The following OFD1 variants were observed in gnomAD, a reference collection of about 807,000 sequenced individuals.
The protein encoded by OFD1 is OFD1 centriole and centriolar satellite protein, also known as centriole and centriolar satellite protein OFD1.
Under a neutral mutation model 81.4 loss-of-function variants are expected in OFD1, and 12 were observed. That is an observed-to-expected ratio of 0.15 (90% CI 0.09 to 0.24). The LOEUF is 0.24. Among genes scored for constraint, OFD1 ranks in the 10% least tolerant of loss-of-function variants. The pLI, the probability that OFD1 is intolerant of heterozygous loss-of-function variation, is 1.00. For synonymous variants in OFD1, 256 were observed against 263.7 expected (o/e 0.97, Z 0.28); for missense variants, 685 against 733.9 (o/e 0.93, Z 0.77).
chrX:13,737,706 C>T (rs959128283), intron 3 of OFD1, among the ~76,000 whole-genome samples: 1 of 111,416 alleles, frequency 9.0e-6, no homozygotes, highest in African/African-American at 3.3e-5. Flanking sequence ...TTTTTACTTT[C>T]TTTGTGTTTT....
At chrX:13,754,413 CTT>C (rs869303506) in intron 11 of OFD1, among the ~76,000 whole-genome samples, 49 of 90,137 alleles carry the variant, frequency 5.4e-4, no homozygotes, top group Admixed American at 4.7e-4. Flanking sequence ...TGGCTACTGT[CTT>C]TTTTTTTTTT....
chrX:13,739,467 C>T (rs1222158209), intron 5 of OFD1, among the ~76,000 whole-genome samples: 6 of 111,685 alleles, frequency 5.4e-5, no homozygotes, highest in Admixed American at 4.7e-4. Flanking sequence ...TTATACAGGC[C>T]GGGCGTGGTG....
At chrX:13,758,565 G>C in intron 15 of OFD1, 117 bp downstream of exon 15, 2 of 476,281 alleles carry the variant, frequency 4.2e-6, no homozygotes, top group Non-Finnish European at 7.3e-6. Context: ...AAAAGCCATA[G>C]AAATATGTGT....
chrX:13,752,927 G>C, intron 10 of OFD1: 1 of 911,162 alleles, frequency 1.1e-6, no homozygotes, highest in Non-Finnish European at 1.4e-6. Context: ...TCAGGACTGT[G>C]CTTAGTCCCT....
intron 5 of OFD1, chrX:13,740,124 G>C (rs950717550): frequency 8.3e-6 from 8 of 967,404 alleles, no homozygotes; most frequent in Non-Finnish European, 2.7e-6. Context: ...AAGTCTCTTG[G>C]TAGTAATGTT....
Position 13,761,076 on chromosome X carries a change from G to T in OFD1, c.2261-9G>T. 8.3e-7 allele frequency: 1 copy of T among 1,210,962 alleles called. No homozygotes were observed. Among genetic ancestry groups the T allele is most frequent in the Non-Finnish European group, 1.1e-6 (1 of 895,226 alleles). Reference sequence around the variant, plus strand: ...TAATATTCTTGCCTTGGTTCTTTCTGCACCTTAGGTCTGGGCAGATCACAC... The same window carrying T: ...TAATATTCTTGCCTTGGTTCTTTCTTCACCTTAGGTCTGGGCAGATCACAC... On this transcript the variant is annotated splice_polypyrimidine_tract_variant and intron_variant, in intron 16 of 22. Transcript: ENST00000340096.
the OFD1 span, chrX:13,716,764 G>T: frequency 9.6e-7 from 1 of 1,042,752 alleles, no homozygotes; most frequent in Non-Finnish European, 1.3e-6. Context: ...TTCTATAGAT[G>T]GTTTTCTTGT....
downstream of OFD1, chrX:13,771,031 G>C (rs757974105): frequency 2.7e-5 from 3 of 112,423 alleles, no homozygotes; most frequent in African/African-American, 6.5e-5. Flanking sequence ...CACAAGTATT[G>C]ACTATTATCT....
intron 8 of OFD1, among the ~76,000 whole-genome samples, chrX:13,748,518 C>T (rs1033469379): frequency 2.7e-5 from 3 of 112,288 alleles, no homozygotes; most frequent in African/African-American, 9.7e-5. Flanking sequence ...TTCTCACTCC[C>T]TGACTAAATT....
At chrX:13,716,139 A>G in the OFD1 span, 3 of 1,115,603 alleles carry the variant, frequency 2.7e-6, no homozygotes, top group East Asian at 6.3e-5. Flanking sequence ...ACAAAAAGCA[A>G]CCAGTTCGTT....
rs779135639 is a variant in OFD1 at position 13,757,721 on chromosome X, G to A, written c.1473G>A (p.Lys491=). 8.3e-7 allele frequency: 1 copy of A among 1,210,708 alleles called. No individual in the cohort carries two copies. ...AGAAAGAACTACGGAAAGCCGAAAA[G>A]GCTATAGTGGTTGAGCATGAGGAGT... ...VFQKELRKAE[K]AIVVEHEEFE... Residue 491 remains lysine, a synonymous_variant, in exon 14 of 23, where the codon AAG becomes AAA. Coordinates refer to ENST00000340096, the MANE Select transcript of OFD1 (RefSeq NM_003611.3).
the OFD1 span, chrX:13,716,398 G>A: frequency 7.0e-5 from 55 of 783,948 alleles, no homozygotes; most frequent in Non-Finnish European, 5.5e-5. Context: ...AAGAAAAGTA[G>A]CCCCATAAAT....
At chrX:13,753,213 A>G in intron 10 of OFD1, 155 bp from the exon 11 acceptor site, 1 of 1,100,104 alleles carries the variant, frequency 9.1e-7, no homozygotes, top group Non-Finnish European at 1.2e-6. Context: ...TTCAGGGGTT[A>G]TATCCCTGGC....
At chrX:13,752,321 C>T (rs1569132950) in intron 10 of OFD1, among the ~76,000 whole-genome samples, 1 of 112,181 alleles carries the variant, frequency 8.9e-6, no homozygotes, top group Non-Finnish European at 1.9e-5. Flanking sequence ...AAGCATCTGG[C>T]ACATAAAAAG....
chrX:13,770,065 T>C (rs1258267501), downstream of OFD1, among the ~76,000 whole-genome samples: 6 of 111,643 alleles, frequency 5.4e-5, no homozygotes, highest in Admixed American at 9.5e-5. Context: ...TATAATTGAC[T>C]TCATCTCTTA....
At chrX:13,729,435 A>T in the OFD1 span, among the ~76,000 whole-genome samples, 4 of 111,974 alleles carry the variant, frequency 3.6e-5, no homozygotes, top group Admixed American at 9.5e-5. Context: ...AGGCCTCAGA[A>T]ATAACACCAC....
At chrX:13,769,650 C>A (rs192384629), downstream of OFD1, among the ~76,000 whole-genome samples, 1,265 of 111,746 alleles carry the variant, frequency 0.011, 17 homozygotes, top group African/African-American at 0.038. Context: ...TAAACCCCCC[C>A]GTGTGATAGA....
chrX:13,768,870 C>T, intron 22 of OFD1, 85 bp downstream of exon 22: 1 of 888,620 alleles, frequency 1.1e-6, no homozygotes, highest in East Asian at 3.1e-5. Context: ...TTGAGATTGC[C>T]TGTAAGAAGT....
At chrX:13,734,728 A>G, upstream of OFD1, 2 of 1,016,046 alleles carry the variant, frequency 2.0e-6, no homozygotes. Context: ...TATATTTAGC[A>G]GGTTTCCGGA....
Sources: allele counts gnomAD v4.1 joint callset (sites outside exome capture counted in the v4.1 genomes callset), GRCh38; gene constraint gnomAD v4.1.1; transcripts MANE v1.5; gene names NCBI Gene and HGNC (gene_info 2026-07-23, HGNC 2026-07-21).